UBA6: variants seen among roughly 807,000 people sequenced by gnomAD.
UBA6 encodes the protein ubiquitin-like modifier-activating enzyme 6.
In UBA6, 87 loss-of-function variants were observed where a neutral mutation model predicts 148.3. That is an observed-to-expected ratio of 0.59 (90% CI 0.49 to 0.70). The LOEUF (loss-of-function observed/expected upper bound fraction) is 0.70, where lower values mean the gene tolerates loss of function less well. Ranked by LOEUF, UBA6 falls within the 30% of genes least tolerant of loss-of-function variation. UBA6 has a pLI of 0.00. For synonymous variants in UBA6, 376 were observed against 401.0 expected (o/e 0.94, Z 0.75); for missense variants, 1,186 against 1,241.2 (o/e 0.96, Z 0.67).
At chr4:67,664,322 TA>T (rs1485709012) in intron 10 of UBA6, among the ~76,000 whole-genome samples, 1 of 151,548 alleles carries the variant, frequency 6.6e-6, no homozygotes, top group Middle Eastern at 3.4e-3. Flanking sequence ...AAACCCCCCC[TA>T]AAAAAAACCC....
In UBA6 at chr4:67,613,962, C is replaced by T. The variant is rs998878818; in HGVS notation, c.*5035G>A. ...ATAAAGAATCCCCTTTCCCCTTTAC[C>T]CATTTTTTTTTTGTCCTTCCTTCCT... On this transcript the variant is annotated 3_prime_UTR_variant, in exon 33 of 33. Coordinates refer to ENST00000322244, the MANE Select transcript of UBA6 (RefSeq NM_018227.6). 6.6e-6 allele frequency: 1 copy of T among 151,950 alleles called. No homozygotes were observed. Among genetic ancestry groups the T allele is most frequent in the African/African-American group, 2.4e-5 (1 of 41,268 alleles). 9.4% of individuals were successfully genotyped at this position (151,950 alleles called of 1,614,324 possible).
At chr4:67,631,567 C>T (rs1166875182) in intron 25 of UBA6, 141 bp downstream of exon 25, 3 of 631,086 alleles carry the variant, frequency 4.8e-6, no homozygotes, top group Non-Finnish European at 5.2e-6. Context: ...GTCAGAATGA[C>T]TTGTTAACTC....
At chr4:67,624,709 C>T (rs1286623324) in intron 29 of UBA6, among the ~76,000 whole-genome samples, 1 of 151,868 alleles carries the variant, frequency 6.6e-6, no homozygotes, top group Non-Finnish European at 1.5e-5. Context: ...AAACAGAGTA[C>T]CTGCTTTGTA....
chr4:67,663,488 C>A (rs988549302), intron 11 of UBA6: 6 of 363,824 alleles, frequency 1.6e-5, no homozygotes, highest in Non-Finnish European at 2.9e-5. Flanking sequence ...TTTACTGCTA[C>A]AAAATTACAT....
chr4:67,647,796 C>T (rs950661105), intron 14 of UBA6, among the ~76,000 whole-genome samples: 21 of 137,042 alleles, frequency 1.5e-4, no homozygotes, highest in African/African-American at 5.7e-4. Flanking sequence ...TTTTTTGAGA[C>T]AGAGTCTCAC....
intron 4 of UBA6, among the ~76,000 whole-genome samples, chr4:67,679,119 C>T (rs72642383): frequency 0.12 from 18,521 of 151,786 alleles, 1,287 homozygotes; most frequent in South Asian, 0.22. Flanking sequence ...GAGTAATCTC[C>T]AGGATATGCT....
At chr4:67,630,290 A>G (rs1728966263) in intron 26 of UBA6, among the ~76,000 whole-genome samples, 176 bp downstream of exon 26, 1 of 152,172 alleles carries the variant, frequency 6.6e-6, no homozygotes, top group South Asian at 2.1e-4. Flanking sequence ...ACTTAGCAAT[A>G]CTGCAATGAG....
At chr4:67,663,691 TC>T in intron 11 of UBA6, 193 bp downstream of exon 11, 1 of 511,424 alleles carries the variant, frequency 2.0e-6, no homozygotes, top group Non-Finnish European at 3.5e-6. Flanking sequence ...ATCATTTTTT[TC>T]TATGAGACAA....
intron 27 of UBA6, among the ~76,000 whole-genome samples, chr4:67,627,703 T>G (rs1728902389): frequency 6.6e-6 from 1 of 151,754 alleles, no homozygotes; most frequent in Non-Finnish European, 1.5e-5. Context: ...TTTTTTTTTT[T>G]TCCTAAAATA....
At chr4:67,640,882 T>C (rs1436138818) in intron 18 of UBA6, among the ~76,000 whole-genome samples, 8 of 152,290 alleles carry the variant, frequency 5.3e-5, no homozygotes, top group South Asian at 2.1e-4. Flanking sequence ...CTTTCTAAAA[T>C]TGAATGAATG....
intron 13 of UBA6, among the ~76,000 whole-genome samples, chr4:67,656,074 A>G (rs1729682118): frequency 6.6e-6 from 1 of 152,224 alleles, no homozygotes; most frequent in Admixed American, 6.5e-5. Context: ...AGAGTCCAGG[A>G]CCAGACGGAT....
chr4:67,658,191 G>C (rs1729750318), intron 13 of UBA6, among the ~76,000 whole-genome samples: 1 of 152,142 alleles, frequency 6.6e-6, no homozygotes, highest in Non-Finnish European at 1.5e-5. Flanking sequence ...CCATTACTGG[G>C]TATACACCCA....
chr4:67,691,163 T>C (rs139829743), intron 2 of UBA6, among the ~76,000 whole-genome samples: 59 of 152,220 alleles, frequency 3.9e-4, no homozygotes, highest in African/African-American at 1.2e-3. Flanking sequence ...CGGATGAACT[T>C]TGTAGCCTAG....
chr4:67,679,442 C>T (rs1202366368), intron 4 of UBA6, among the ~76,000 whole-genome samples: 2 of 152,106 alleles, frequency 1.3e-5, no homozygotes, highest in Middle Eastern at 3.4e-3. Context: ...CAAAGCAAAA[C>T]AAATACATGG....
chr4:67,668,662 T>A lies in UBA6; in HGVS notation c.682A>T (p.Ile228Phe). The change falls in exon 9 of 33, where the codon ATT (isoleucine) becomes TTT (phenylalanine). Residue 228 changes from isoleucine (I) to phenylalanine (F), a missense_variant. By Grantham distance (21) the Ile-to-Phe change is conservative. Coordinates refer to ENST00000322244, the MANE Select transcript of UBA6 (RefSeq NM_018227.6). Reference sequence around the variant, plus strand: ...GGATGATTTTCAAGGCAAGTAACAATGCCAGGATTTGCCTAAAAATAAGAG... The same window carrying A: ...GGATGATTTTCAAGGCAAGTAACAAAGCCAGGATTTGCCTAAAAATAAGAG... ...ISNITQANPG[I>F]VTCLENHPHK... The A allele has an allele frequency of 6.2e-7, 1 of 1,612,508 alleles. No individual in the cohort carries two copies. The highest frequency in any genetic ancestry group is 8.5e-7 in the Non-Finnish European group (1 of 1,179,008).
intron 14 of UBA6, among the ~76,000 whole-genome samples, chr4:67,648,501 T>C (rs971217965): frequency 6.7e-6 from 1 of 150,062 alleles, no homozygotes; most frequent in Non-Finnish European, 1.5e-5. Flanking sequence ...AAAAGATAAA[T>C]GGTATATTCA....
chr4:67,672,960 A>T (rs1276545753), intron 7 of UBA6, among the ~76,000 whole-genome samples: 1 of 152,156 alleles, frequency 6.6e-6, no homozygotes, highest in Admixed American at 6.6e-5. Flanking sequence ...TAGGACTTGA[A>T]ACTATTTAAA....
chr4:67,672,826 C>G (rs1369815332), intron 7 of UBA6, among the ~76,000 whole-genome samples: 1 of 152,138 alleles, frequency 6.6e-6, no homozygotes, highest in Non-Finnish European at 1.5e-5. Context: ...GAGCCCTACT[C>G]AAACATCATC....
chr4:67,621,296 G>T (rs1565070), intron 32 of UBA6, among the ~76,000 whole-genome samples: 30,253 of 152,204 alleles, frequency 0.2, 3,249 homozygotes, highest in Middle Eastern at 0.26. Context: ...ATTTAAGAAT[G>T]ATTAACCTCA....
Sources: allele counts gnomAD v4.1 joint callset (sites outside exome capture counted in the v4.1 genomes callset), GRCh38; gene constraint gnomAD v4.1.1; transcripts MANE v1.5; gene names NCBI Gene and HGNC (gene_info 2026-07-23, HGNC 2026-07-21).